CACNA2D1: variants seen among roughly 807,000 people sequenced by gnomAD.
CACNA2D1 encodes voltage-dependent calcium channel subunit alpha-2/delta-1.
Under a neutral mutation model 171.5 loss-of-function variants are expected in CACNA2D1, and 53 were observed. The ratio of observed to expected loss-of-function variants is 0.31; its 90% CI spans 0.25 to 0.39. The LOEUF (loss-of-function observed/expected upper bound fraction) is 0.39, where lower values mean the gene tolerates loss of function less well. CACNA2D1 is among the 10% of genes least tolerant of loss of function. The probability of loss-of-function intolerance (pLI) is 1.00; values close to 1 mark genes in which losing one functional copy is unlikely to be tolerated. For missense variants in CACNA2D1, 903 were observed against 1,299.8 expected (o/e 0.69, Z 4.69); for synonymous variants, 442 against 443.1 (o/e 1.00, Z 0.03).
At chr7:82,179,068 G>A (rs867829226) in intron 3 of CACNA2D1, among the ~76,000 whole-genome samples, 4 of 152,006 alleles carry the variant, frequency 2.6e-5, no homozygotes, top group Non-Finnish European at 4.4e-5. Flanking sequence ...CCTCCTACAC[G>A]ACAAGCATAC....
At chr7:82,099,795 T>C (rs1812450133) in intron 6 of CACNA2D1, among the ~76,000 whole-genome samples, 1 of 152,166 alleles carries the variant, frequency 6.6e-6, no homozygotes, top group Admixed American at 6.5e-5. Context: ...TGAATCACTG[T>C]AGGAATCAGA....
At chr7:81,958,835 T>C (rs925819448) in intron 38 of CACNA2D1, among the ~76,000 whole-genome samples, 1 of 151,184 alleles carries the variant, frequency 6.6e-6, no homozygotes, top group African/African-American at 2.4e-5. Context: ...AGACAATGGC[T>C]GTATAACAGG....
chr7:82,123,992 G>A (rs114288932), intron 5 of CACNA2D1, among the ~76,000 whole-genome samples: 3,675 of 151,680 alleles, frequency 0.024, 138 homozygotes, highest in African/African-American at 0.083. Context: ...CAATCCAAAC[G>A]TATCACATCA....
chr7:82,291,474 TA>T lies in CACNA2D1; in HGVS notation c.294+43660del, dbSNP rs941464263. Among the ~76,000 whole-genome samples, 5 of 134,706 alleles carry T rather than the reference TA, an allele frequency of 3.7e-5. No homozygotes were observed. The East Asian group carries it at 6.3e-4, about 17-fold the overall frequency. 88.4% of individuals were successfully genotyped at this position (134,706 alleles called of 152,430 possible). ...TTATATATATTAAATATATAATATA[TA>T]AAAATATATTATATATATTTTTATA... On this transcript the variant is annotated intron_variant, in intron 3 of 38. Coordinates refer to ENST00000356860, the MANE Select transcript of CACNA2D1 (RefSeq NM_000722.4).
At chr7:82,240,582 A>G (rs960517226) in intron 3 of CACNA2D1, among the ~76,000 whole-genome samples, 4 of 152,184 alleles carry the variant, frequency 2.6e-5, no homozygotes, top group Non-Finnish European at 5.9e-5. Flanking sequence ...CACAAACCGT[A>G]TCTTTTATAT....
At chr7:82,358,830 C>G (rs901921922) in intron 1 of CACNA2D1, among the ~76,000 whole-genome samples, 2 of 152,058 alleles carry the variant, frequency 1.3e-5, no homozygotes, top group African/African-American at 4.8e-5. Context: ...TTCATGAGAT[C>G]TTCTTTTCCA....
At chr7:82,183,536 A>T (rs1000141862) in intron 3 of CACNA2D1, among the ~76,000 whole-genome samples, 24 of 152,310 alleles carry the variant, frequency 1.6e-4, no homozygotes, top group African/African-American at 5.8e-4. Flanking sequence ...TGGGTAGAGG[A>T]GAGTTTTTAA....
intron 3 of CACNA2D1, among the ~76,000 whole-genome samples, chr7:82,251,256 C>A (rs1354123680): frequency 6.6e-6 from 1 of 152,068 alleles, no homozygotes; most frequent in Non-Finnish European, 1.5e-5. Context: ...AATTCACTAC[C>A]ACCTAAAATA....
At chr7:82,047,562 A>T (rs1443378052) in intron 10 of CACNA2D1, among the ~76,000 whole-genome samples, 2 of 152,144 alleles carry the variant, frequency 1.3e-5, no homozygotes, top group Admixed American at 6.5e-5. Flanking sequence ...TTAACTTATC[A>T]CTGATTGAAA....
At chr7:82,422,018 A>G (rs1435233729) in intron 1 of CACNA2D1, among the ~76,000 whole-genome samples, 1 of 152,178 alleles carries the variant, frequency 6.6e-6, no homozygotes, top group Non-Finnish European at 1.5e-5. Flanking sequence ...GAAGCTGTTC[A>G]CAAAGAAGAG....
rs367960608 is a variant in CACNA2D1 at position 81,950,516 on chromosome 7, TAA to T, written c.3160-10_3160-9del. Reference sequence around the variant, plus strand: ...ACAGTCAGTATAATCCTCCTGTTGTTAAAAAAAAAAGAAAAGAACAGAAAAAG... The same window carrying T: ...ACAGTCAGTATAATCCTCCTGTTGTTAAAAAAAAGAAAAGAACAGAAAAAG... On this transcript the variant is annotated splice_polypyrimidine_tract_variant and intron_variant, in intron 38 of 38. Coordinates refer to ENST00000356860, the MANE Select transcript of CACNA2D1 (RefSeq NM_000722.4). 4 of 1,454,046 alleles carry T rather than the reference TAA, an allele frequency of 2.8e-6. No homozygotes were observed. Among genetic ancestry groups the T allele is most frequent in the Admixed American group, 3.8e-5 (2 of 52,246 alleles). 90.1% of individuals were successfully genotyped at this position (1,454,046 alleles called of 1,614,324 possible).
rs186095184 is a variant in CACNA2D1 at position 81,994,131 on chromosome 7, T to C, written c.1734+737A>G. Among the ~76,000 whole-genome samples, 16 of 152,196 alleles carry C rather than the reference T, an allele frequency of 1.1e-4. No homozygotes were observed. The East Asian group carries it at 2.9e-3, about 28-fold the overall frequency. On this transcript the variant is annotated intron_variant, in intron 20 of 38. Coordinates refer to ENST00000356860, the MANE Select transcript of CACNA2D1 (RefSeq NM_000722.4). ...AATGATGAGATTGTGAGGAAAAGGA[T>C]ATAGGTTATACATAAAAGCTTAAGT...
intron 1 of CACNA2D1, among the ~76,000 whole-genome samples, chr7:82,418,534 A>AAAAT (rs201205642): frequency 2.6e-5 from 4 of 152,160 alleles, no homozygotes; most frequent in Non-Finnish European, 4.4e-5. Context: ...GAATAAAGCA[A>AAAAT]AAATAAATAA....
intron 3 of CACNA2D1, among the ~76,000 whole-genome samples, chr7:82,245,444 AG>A (rs1410014262): frequency 1.3e-5 from 2 of 152,178 alleles, no homozygotes; most frequent in Non-Finnish European, 2.9e-5. Flanking sequence ...CCAAGAGGAC[AG>A]AACTCCTCGG....
At chr7:82,212,517 T>C (rs1482801317) in intron 3 of CACNA2D1, among the ~76,000 whole-genome samples, 1 of 152,216 alleles carries the variant, frequency 6.6e-6, no homozygotes, top group East Asian at 1.9e-4. Context: ...AACATAAGCC[T>C]ATAGTTACTA....
chr7:81,982,152 A>T (rs1796504605), intron 24 of CACNA2D1, among the ~76,000 whole-genome samples: 2 of 136,522 alleles, frequency 1.5e-5, no homozygotes, highest in Admixed American at 1.4e-4. Flanking sequence ...TTTTTTTGAG[A>T]TGGAGTCTCA....
chr7:82,046,220 T>C (rs1804538426), intron 10 of CACNA2D1, among the ~76,000 whole-genome samples: 1 of 152,202 alleles, frequency 6.6e-6, no homozygotes, highest in Non-Finnish European at 1.5e-5. Flanking sequence ...AAAGTACTGC[T>C]AGTTAATTCA....
intron 10 of CACNA2D1, among the ~76,000 whole-genome samples, chr7:82,055,628 A>C (rs887636436): frequency 4.0e-5 from 6 of 151,534 alleles, no homozygotes; most frequent in Admixed American, 6.6e-5. Flanking sequence ...ATGGATGAAG[A>C]TGGAAACCAT....
intron 6 of CACNA2D1, among the ~76,000 whole-genome samples, chr7:82,090,548 A>C (rs1467709384): frequency 1.3e-5 from 2 of 152,046 alleles, no homozygotes; most frequent in Admixed American, 6.6e-5. Context: ...ATTGTTACTA[A>C]TAGTTTAGTA....
Sources: gnomAD v4.1 joint callset for allele counts (sites outside exome capture counted in the v4.1 genomes callset) on GRCh38, gnomAD v4.1.1 for gene constraint, MANE v1.5 for transcripts, NCBI Gene and HGNC (gene_info 2026-07-23, HGNC 2026-07-21) for gene names.